Variants in CNTN4 observed in about 807,000 individuals in gnomAD.
CNTN4 encodes contactin-4.
CNTN4 carries 77 observed loss-of-function variants against 122.5 expected under a neutral mutation model. That is an observed-to-expected ratio of 0.63 (90% CI 0.52 to 0.76). The LOEUF is 0.76. Ranked by LOEUF, CNTN4 falls within the 30% of genes least tolerant of loss-of-function variation. The pLI, the probability that CNTN4 is intolerant of heterozygous loss-of-function variation, is 0.00. For synonymous variants in CNTN4, 512 were observed against 447.0 expected (o/e 1.15, Z -1.83); for missense variants, 1,256 against 1,259.1 (o/e 1.00, Z 0.04).
intron 2 of CNTN4, among the ~76,000 whole-genome samples, chr3:2,324,320 G>C (rs1266693254): frequency 6.6e-6 from 1 of 151,940 alleles, no homozygotes; most frequent in African/African-American, 2.4e-5. Context: ...CCATGGCATT[G>C]CTTCTTGTAA....
intron 2 of CNTN4, among the ~76,000 whole-genome samples, chr3:2,188,692 G>A (rs1195030542): frequency 1.3e-5 from 2 of 152,174 alleles, no homozygotes; most frequent in African/African-American, 4.8e-5. Flanking sequence ...CAGAAAGGCA[G>A]TAATTAGGGC....
chr3:2,772,251 G>T (rs2091134224), intron 6 of CNTN4, among the ~76,000 whole-genome samples: 1 of 152,022 alleles, frequency 6.6e-6, no homozygotes, highest in African/African-American at 2.4e-5. Context: ...CCAGCATCTG[G>T]AAAAACAGGA....
intron 14 of CNTN4, among the ~76,000 whole-genome samples, chr3:3,019,279 A>C (rs1263892450): frequency 2.0e-5 from 3 of 152,074 alleles, no homozygotes; most frequent in Non-Finnish European, 4.4e-5. Flanking sequence ...CTCCCCACAA[A>C]GTACTCATTA....
chr3:2,508,716 T>C (rs2076802112), intron 3 of CNTN4, among the ~76,000 whole-genome samples: 1 of 152,232 alleles, frequency 6.6e-6, no homozygotes, highest in Admixed American at 6.5e-5. Context: ...TTCTAAAATA[T>C]ATTCTGAGGT....
chr3:2,122,017 G>C (rs572675617), intron 2 of CNTN4, among the ~76,000 whole-genome samples: 4 of 130,312 alleles, frequency 3.1e-5, no homozygotes, highest in African/African-American at 8.4e-5. Context: ...TTAGCCGGGC[G>C]TGGTGGCGGC....
intron 10 of CNTN4, 50 bp from the exon 11 acceptor site, chr3:2,900,635 T>C (rs754746485): frequency 6.3e-7 from 1 of 1,591,446 alleles, no homozygotes; most frequent in Non-Finnish European, 8.6e-7. Flanking sequence ...TAAAAATAGA[T>C]TGAGTACACA....
chr3:2,810,690 G>T (rs1307253845), intron 6 of CNTN4, among the ~76,000 whole-genome samples: 1 of 152,158 alleles, frequency 6.6e-6, no homozygotes, highest in African/African-American at 2.4e-5. Context: ...ACTCCATACT[G>T]CTCTTACTTA....
intron 4 of CNTN4, among the ~76,000 whole-genome samples, chr3:2,689,629 A>T (rs1007949604): frequency 6.6e-6 from 1 of 152,134 alleles, no homozygotes; most frequent in Admixed American, 6.5e-5. Context: ...GAAAGCAATT[A>T]ATCTGCAGGA....
chr3:2,555,768 C>T (rs2078695133), intron 3 of CNTN4, among the ~76,000 whole-genome samples: 1 of 152,138 alleles, frequency 6.6e-6, no homozygotes, highest in South Asian at 2.1e-4. Context: ...CAGGTTTTTA[C>T]TGACTTTGTG....
intron 2 of CNTN4, among the ~76,000 whole-genome samples, chr3:2,337,386 C>T (rs2043998716): frequency 1.3e-5 from 2 of 152,180 alleles, no homozygotes; most frequent in South Asian, 4.1e-4. Context: ...ATGAAACTAT[C>T]CATAATGTAT....
chr3:2,268,636 T>C (rs759223933), intron 2 of CNTN4, among the ~76,000 whole-genome samples: 1 of 152,176 alleles, frequency 6.6e-6, no homozygotes, highest in Non-Finnish European at 1.5e-5. Flanking sequence ...TCTCTATTTC[T>C]GTCTATCTAT....
intron 8 of CNTN4, among the ~76,000 whole-genome samples, chr3:2,878,335 C>A (rs2093868748): frequency 6.6e-6 from 1 of 152,180 alleles, no homozygotes. Context: ...TAAATGACTT[C>A]TATGCCTGGA....
chr3:2,891,917 G>A (rs558749110), intron 10 of CNTN4, among the ~76,000 whole-genome samples: 7 of 152,280 alleles, frequency 4.6e-5, no homozygotes, highest in South Asian at 2.1e-4. Context: ...AGCAAAAGCC[G>A]GACCATTGCC....
chr3:2,171,305 A>G lies in CNTN4; in HGVS notation c.-145+70666A>G, dbSNP rs1330460990. Among the ~76,000 whole-genome samples the G allele has an allele frequency of 3.9e-5, 6 of 152,316 alleles. No individual in the cohort carries two copies. In the East Asian group the frequency reaches 9.6e-4, roughly 24 times the overall value. Reference sequence around the variant, plus strand: ...ACATGTATGGACCTGGAAAAATGCCATTACATTTTCAGAGGACAAAAACAC... The same window carrying G: ...ACATGTATGGACCTGGAAAAATGCCGTTACATTTTCAGAGGACAAAAACAC... On this transcript the variant is annotated intron_variant, in intron 2 of 24. Transcript: ENST00000418658.
At position 2,819,533 on chromosome 3, in the gene CNTN4, C is replaced by T. The variant is rs868306780; in HGVS notation, c.406C>T (p.Arg136Ter). 1.2e-6 allele frequency: 2 copies of T among 1,614,118 alleles called. No individual in the cohort carries two copies. Among genetic ancestry groups the T allele is most frequent in the Non-Finnish European group, 1.7e-6 (2 of 1,179,988 alleles). Reference sequence around the variant, plus strand: ...AACAAGAAGCACTGTGTCTGTCCGTCGAGGTCAAGGAATGGTGCTACTGTG... The same window carrying T: ...AACAAGAAGCACTGTGTCTGTCCGTTGAGGTCAAGGAATGGTGCTACTGTG... Reference protein sequence around the residue: ...TRTRSTVSVRRGQGMVLLCGP... With the variant: ...TRTRSTVSVR Residue 136 changes from arginine to a stop codon, truncating the protein, a stop_gained, in exon 7 of 25, where the codon CGA (arginine) becomes TGA (stop). Coordinates refer to ENST00000418658, the MANE Select transcript of CNTN4 (RefSeq NM_175607.3). LOFTEE classifies it high-confidence loss of function.
At chr3:2,376,028 C>G (rs957321765) in intron 3 of CNTN4, among the ~76,000 whole-genome samples, 2 of 152,002 alleles carry the variant, frequency 1.3e-5, no homozygotes, top group Non-Finnish European at 2.9e-5. Context: ...GACGGGTGCC[C>G]TACCCTACAT....
chr3:2,194,887 G>A (rs1201502170), intron 2 of CNTN4, among the ~76,000 whole-genome samples: 1 of 152,114 alleles, frequency 6.6e-6, no homozygotes, highest in Non-Finnish European at 1.5e-5. Flanking sequence ...CTAGCCTCTG[G>A]AACTGTGAGA....
At chr3:2,645,374 A>G (rs957377563) in intron 4 of CNTN4, among the ~76,000 whole-genome samples, 1 of 152,228 alleles carries the variant, frequency 6.6e-6, no homozygotes, top group African/African-American at 2.4e-5. Flanking sequence ...CTGCACTTAC[A>G]ATATAGCTTT....
At chr3:2,776,277 T>TC (rs1244825729) in intron 6 of CNTN4, among the ~76,000 whole-genome samples, 100 of 7,728 alleles carry the variant, frequency 0.013, no homozygotes, top group African/African-American at 0.017. Flanking sequence ...AGTGTTTCTT[T>TC]TTTTTTTTTT....
Sources: gnomAD v4.1 joint callset for allele counts (sites outside exome capture counted in the v4.1 genomes callset) on GRCh38, gnomAD v4.1.1 for gene constraint, MANE v1.5 for transcripts, NCBI Gene and HGNC (gene_info 2026-07-23, HGNC 2026-07-21) for gene names.